NOTCH1: variants seen among roughly 807,000 people sequenced by gnomAD.
The protein encoded by NOTCH1 is neurogenic locus notch homolog protein 1.
In NOTCH1, 37 loss-of-function variants were observed where a neutral mutation model predicts 254.8. The ratio of observed to expected loss-of-function variants is 0.15; its 90% CI spans 0.11 to 0.19. NOTCH1 has a LOEUF of 0.19. Among genes scored for constraint, NOTCH1 ranks in the 10% least tolerant of loss-of-function variants. NOTCH1 has a pLI of 1.00. For missense variants in NOTCH1, 2,972 were observed against 3,708.6 expected, an observed-to-expected ratio of 0.80 and a Z score of 5.16; for synonymous variants, 1,731 against 1,618.1, an observed-to-expected ratio of 1.07 and a Z score of -1.68.
At chr9:136,518,902 A>T in intron 5 of NOTCH1, 78 bp from the exon 6 acceptor site, 1 of 1,284,332 alleles carries the variant, frequency 7.8e-7, no homozygotes, top group Non-Finnish European at 1.1e-6. Context: ...CAGGGTGGCA[A>T]TGCCGCCCCC....
intron 33 of NOTCH1, among the ~76,000 whole-genome samples, chr9:136,498,327 G>C (rs1210480867): frequency 6.6e-6 from 1 of 151,846 alleles, no homozygotes; most frequent in Non-Finnish European, 1.5e-5. Context: ...CAGCTGCAGG[G>C]CCAGGAGCTG....
At chr9:136,502,175 T>C in intron 28 of NOTCH1, 87 bp from the exon 29 acceptor site, 10 of 1,253,604 alleles carry the variant, frequency 8.0e-6, no homozygotes, top group Non-Finnish European at 6.7e-6. Flanking sequence ...GCGTGGGAGG[T>C]GGGCCCTGGG....
Position 136,517,885 on chromosome 9 carries a change from G to A in NOTCH1, c.1308C>T (p.Phe436=), listed in dbSNP as rs758751583. ...AGKCINTLGS[F]ECQCLQGYTG... ...TGTAGCCCTGCAGACACTGGCACTC[G>A]AAGGAGCCCAGCGTGTTGATGCACT... is the stretch of plus-strand genomic sequence containing the variant. Residue 436 remains phenylalanine, a synonymous_variant, in exon 8 of 34, where the codon TTC becomes TTT. Transcript: ENST00000651671. The A allele has an allele frequency of 9.3e-6, 15 of 1,612,518 alleles. No homozygotes were observed. Among genetic ancestry groups the A allele is most frequent in the Middle Eastern group, 1.6e-4 (1 of 6,062 alleles).
intron 1 of NOTCH1, 91 bp from the exon 2 acceptor site, chr9:136,544,193 G>T: frequency 8.2e-7 from 1 of 1,215,734 alleles, no homozygotes; most frequent in Non-Finnish European, 1.2e-6. Context: ...CCTGCACCCA[G>T]CCAAGGGGCA....
At position 136,504,894 on chromosome 9, in the gene NOTCH1, C is replaced by G. The variant is rs767595149; in HGVS notation, c.4797G>C (p.Val1599=). 5 of 1,584,438 alleles carry G rather than the reference C, an allele frequency of 3.2e-6. No individual in the cohort carries two copies. The African/African-American group carries it at 6.7e-5, about 21-fold the overall frequency. ...SFHFLRELSR[V]LHTNVVFKRD... ...GCTTGAAGACCACGTTGGTGTGCAGCACGCGGCTGAGCTCCCGCAGGAAGT... is the reference window on the plus strand; with the variant it reads ...GCTTGAAGACCACGTTGGTGTGCAGGACGCGGCTGAGCTCCCGCAGGAAGT... Residue 1599 remains valine (V), a synonymous_variant, in exon 26 of 34, where the codon GTG becomes GTC. Transcript: ENST00000651671.
chr9:136,511,827 G>A (rs1239026433), intron 15 of NOTCH1, among the ~76,000 whole-genome samples: 1 of 152,242 alleles, frequency 6.6e-6, no homozygotes, highest in Non-Finnish European at 1.5e-5. Flanking sequence ...GTCGGGGCAC[G>A]GGGCACGGCC....
rs755029006 is a variant in NOTCH1, at chr9:136,497,155, C to T, written c.6584G>A (p.Gly2195Asp). ...CAGGGAGTCCACGGGCGAGAGCATG[C>T]CGGAGCTGTCCAGCAGGCAGCCCTT... ...DGKGCLLDSSGMLSPVDSLES... is the reference protein window; with the variant it reads ...DGKGCLLDSSDMLSPVDSLES... Residue 2195 changes from glycine (G) to aspartate (D), a missense_variant, in exon 34 of 34, where the codon GGC becomes GAC. Gly to Asp is a moderately conservative substitution (Grantham distance 94). Coordinates refer to ENST00000651671, the MANE Select transcript of NOTCH1 (RefSeq NM_017617.5). 2 of 1,612,748 alleles carry T rather than the reference C, an allele frequency of 1.2e-6. No individual in the cohort carries two copies. The highest frequency in any genetic ancestry group is 1.7e-6 in the Non-Finnish European group (2 of 1,179,952).
At chr9:136,507,267 G>C in intron 22 of NOTCH1, 38 bp downstream of exon 22, 1 of 1,612,478 alleles carries the variant, frequency 6.2e-7, no homozygotes, top group Non-Finnish European at 8.5e-7. Context: ...CCCTGGCCAT[G>C]GATGGCCAAC....
chr9:136,506,481 G>T lies in NOTCH1; in HGVS notation c.4014+46C>A. 4 of 1,529,146 alleles carry T rather than the reference G, an allele frequency of 2.6e-6. No individual in the cohort carries two copies. Among genetic ancestry groups the T allele is most frequent in the Non-Finnish European group, 1.8e-6 (2 of 1,130,858 alleles). The allele number at this position is 1,529,146 out of a possible 1,614,324, so 94.7% of individuals were successfully genotyped here. Reference sequence around the variant, plus strand: ...GAGGCCCCCACGTGGACCTCTCCAGGTGTCTCCCCTGGCGGGCCCCTGCCT... The same window carrying T: ...GAGGCCCCCACGTGGACCTCTCCAGTTGTCTCCCCTGGCGGGCCCCTGCCT... On this transcript the variant is annotated intron_variant, in intron 24 of 33. Coordinates refer to ENST00000651671, the MANE Select transcript of NOTCH1 (RefSeq NM_017617.5). This position sits in a 1 kb window ranked among gnomAD's most constrained non-coding sequence, Gnocchi z 4.5.
intron 2 of NOTCH1, among the ~76,000 whole-genome samples, chr9:136,538,545 G>A (rs762328013): frequency 1.4e-4 from 21 of 152,244 alleles, no homozygotes; most frequent in Non-Finnish European, 2.9e-4. Flanking sequence ...ACTCGAGGCC[G>A]TCAAACGCAG....
chr9:136,500,858 AGAGACGG>A lies in NOTCH1; in HGVS notation c.5639-18_5639-12del, dbSNP rs1564187961. 6.3e-7 allele frequency: 1 copy of A among 1,581,932 alleles called. No individual in the cohort carries two copies. The highest frequency in any genetic ancestry group is 8.5e-7 in the Non-Finnish European group (1 of 1,171,952). On this transcript the variant is annotated splice_polypyrimidine_tract_variant and intron_variant, in intron 30 of 33. Coordinates refer to ENST00000651671, the MANE Select transcript of NOTCH1 (RefSeq NM_017617.5). ...GCGGGGTGAAGCCATCTGCAGAGGC[AGAGACGG>A]GTGCTCAGTCTGGAGGGCCGGTCCC...
In NOTCH1 at chr9:136,513,029, G is replaced by T. The variant is rs779375653; in HGVS notation, c.2459C>A (p.Pro820His). ...VAGYKCNCLLPYTGATCEVVL... is the reference protein window; with the variant it reads ...VAGYKCNCLLHYTGATCEVVL... ...CCCCACCCACCCCTCACCTGTGTAG[G>T]GCAGCAGGCAGTTGCACTTGTACCC... Residue 820 changes from proline (P) to histidine (H), a missense_variant, in exon 15 of 34, where the codon CCC (proline) becomes CAC (histidine). Physicochemically the swap from Pro to His is moderately conservative, Grantham distance 77 (BLOSUM62 -2). Coordinates refer to ENST00000651671, the MANE Select transcript of NOTCH1 (RefSeq NM_017617.5). This position sits in a 1 kb window ranked among gnomAD's most constrained non-coding sequence, Gnocchi z 4.7. 2 of 1,604,550 alleles carry T rather than the reference G, an allele frequency of 1.2e-6. No homozygotes were observed. The highest frequency in any genetic ancestry group is 1.7e-6 in the Non-Finnish European group (2 of 1,173,958).
Position 136,518,273 on chromosome 9 carries a change from G to C in NOTCH1, c.1119C>G (p.Asn373Lys). 1 of 1,610,864 alleles carries C rather than the reference G, an allele frequency of 6.2e-7. No individual in the cohort carries two copies. ...TACAGGGGTTGCTGATGCATGCGTC[G>C]TTGAGGTGGCACAGCAGACCTGGGC... Reference protein sequence around the residue: ...HGRTGLLCHLNDACISNPCNE... With the variant: ...HGRTGLLCHLKDACISNPCNE... Residue 373 changes from asparagine (N) to lysine (K), a missense_variant, in exon 7 of 34, where the codon AAC becomes AAG. By Grantham distance (94) the Asn-to-Lys change is moderately conservative. Transcript: ENST00000651671.
intron 9 of NOTCH1, among the ~76,000 whole-genome samples, chr9:136,516,904 T>A (rs1171654994): frequency 6.6e-6 from 1 of 151,580 alleles, no homozygotes; most frequent in African/African-American, 2.4e-5. Flanking sequence ...ACACAACCAA[T>A]GGCCAGGCCC....
rs937684960 is a variant in NOTCH1, at chr9:136,495,420, G to C, written c.*651C>G. ...AGAACACATTTTCACAAGCATGCTT[G>C]CAAGAAACCATCTAAAACACATGGC... On this transcript the variant is annotated 3_prime_UTR_variant, in exon 34 of 34. Transcript: ENST00000651671. 2 of 398,832 alleles carry C rather than the reference G, an allele frequency of 5.0e-6. No individual in the cohort carries two copies. Among genetic ancestry groups the C allele is most frequent in the Admixed American group, 4.4e-5 (1 of 22,726 alleles). The allele number at this position is 398,832 out of a possible 1,614,324, so 24.7% of individuals were successfully genotyped here.
chr9:136,519,355 G>T, intron 5 of NOTCH1, 88 bp downstream of exon 5: 1 of 1,566,262 alleles, frequency 6.4e-7, no homozygotes, highest in Non-Finnish European at 8.7e-7. Context: ...GGTCTCGGCT[G>T]CTCCCCGCTA....
chr9:136,522,158 T>C (rs1843378308), intron 4 of NOTCH1, among the ~76,000 whole-genome samples: 1 of 152,088 alleles, frequency 6.6e-6, no homozygotes, highest in Non-Finnish European at 1.5e-5. Flanking sequence ...TTTGTATTTT[T>C]AGTAGAGACG....
chr9:136,508,827 C>G, intron 19 of NOTCH1, 43 bp downstream of exon 19: 2 of 1,516,160 alleles, frequency 1.3e-6, no homozygotes, highest in Non-Finnish European at 1.8e-6. Flanking sequence ...AGGCACCCAC[C>G]CAGGGCCCCT....
intron 2 of NOTCH1, among the ~76,000 whole-genome samples, chr9:136,537,456 G>A (rs1400750083): frequency 6.6e-6 from 1 of 152,210 alleles, no homozygotes; most frequent in Non-Finnish European, 1.5e-5. Context: ...AGGGGCTGGG[G>A]CAGTCAGGGC....
Sources: gnomAD v4.1 joint callset for allele counts (sites outside exome capture counted in the v4.1 genomes callset) on GRCh38, gnomAD v4.1.1 for gene constraint, Gnocchi (gnomAD v3.1) non-coding constraint, MANE v1.5 for transcripts, NCBI Gene and HGNC (gene_info 2026-07-23, HGNC 2026-07-21) for gene names.